PCDH9: variants seen among roughly 807,000 people sequenced by gnomAD.
PCDH9 encodes the protein protocadherin-9.
In PCDH9, 24 loss-of-function variants were observed where a neutral mutation model predicts 70.6. The observed-to-expected ratio is 0.34, with a 90% CI of 0.25 to 0.48. The LOEUF (loss-of-function observed/expected upper bound fraction) is 0.48. PCDH9 is among the 20% of genes least tolerant of loss of function. The pLI, the probability that PCDH9 is intolerant of heterozygous loss-of-function variation, is 0.99. For synonymous variants in PCDH9, 562 were observed against 558.5 expected (o/e 1.01, Z -0.09); for missense variants, 1,281 against 1,503.6 (o/e 0.85, Z 2.45).
intron 4 of PCDH9, among the ~76,000 whole-genome samples, chr13:66,364,603 C>T (rs1296038444): frequency 1.3e-5 from 2 of 152,122 alleles, no homozygotes; most frequent in Non-Finnish European, 2.9e-5. Flanking sequence ...CTACCCACTG[C>T]ATTAAGTTGC....
intron 4 of PCDH9, among the ~76,000 whole-genome samples, chr13:66,475,788 A>T (rs1958714653): frequency 6.6e-6 from 1 of 152,034 alleles, no homozygotes; most frequent in South Asian, 2.1e-4. Context: ...ACTTTTCACT[A>T]AAAAAACTGC....
At chr13:67,222,786 C>A (rs1281920438) in intron 2 of PCDH9, 1 of 151,986 alleles carries the variant, frequency 6.6e-6, no homozygotes, top group African/African-American at 2.4e-5. Flanking sequence ...TATATAAAAG[C>A]CACTAGTTAA....
intron 3 of PCDH9, among the ~76,000 whole-genome samples, chr13:66,784,914 A>G (rs1300228204): frequency 6.6e-6 from 1 of 152,116 alleles, no homozygotes; most frequent in Non-Finnish European, 1.5e-5. Flanking sequence ...ACCTCTAACT[A>G]GTGAGCCTCT....
At chr13:66,551,255 G>A (rs2138680667) in intron 4 of PCDH9, among the ~76,000 whole-genome samples, 1 of 152,200 alleles carries the variant, frequency 6.6e-6, no homozygotes, top group Middle Eastern at 3.4e-3. Flanking sequence ...TCCACCAAAG[G>A]GAAGCTAGAT....
At chr13:66,444,882 A>G (rs947473030) in intron 4 of PCDH9, among the ~76,000 whole-genome samples, 3 of 151,792 alleles carry the variant, frequency 2.0e-5, no homozygotes, top group African/African-American at 7.3e-5. Flanking sequence ...TTTTATGAGA[A>G]CTGGAGCCAA....
intron 2 of PCDH9, among the ~76,000 whole-genome samples, chr13:67,095,301 A>G (rs2086297928): frequency 6.6e-6 from 1 of 152,122 alleles, no homozygotes; most frequent in Non-Finnish European, 1.5e-5. Context: ...TATGTTAACT[A>G]TTACAGTTTG....
chr13:66,550,461 T>G (rs1961435599), intron 4 of PCDH9, among the ~76,000 whole-genome samples: 1 of 152,156 alleles, frequency 6.6e-6, no homozygotes, highest in Non-Finnish European at 1.5e-5. Flanking sequence ...TGATATATTT[T>G]TCAGCCTGCT....
chr13:67,151,718 A>G (rs1051958212), intron 2 of PCDH9, among the ~76,000 whole-genome samples: 1 of 151,932 alleles, frequency 6.6e-6, no homozygotes, highest in Non-Finnish European at 1.5e-5. Context: ...TCAATCTATC[A>G]AAACTGAGGC....
At chr13:66,900,077 T>C (rs1276371345) in intron 3 of PCDH9, among the ~76,000 whole-genome samples, 2 of 151,938 alleles carry the variant, frequency 1.3e-5, no homozygotes, top group African/African-American at 2.4e-5. Flanking sequence ...TTCAGTAATA[T>C]GCATAGGTAA....
At chr13:67,115,727 T>C (rs1416981429) in intron 2 of PCDH9, among the ~76,000 whole-genome samples, 1 of 150,078 alleles carries the variant, frequency 6.7e-6, no homozygotes, top group Non-Finnish European at 1.5e-5. Context: ...AAATTTGTTT[T>C]GGCATTCCTT....
intron 3 of PCDH9, among the ~76,000 whole-genome samples, chr13:66,747,998 T>C (rs1487580688): frequency 6.6e-6 from 1 of 152,132 alleles, no homozygotes; most frequent in African/African-American, 2.4e-5. Flanking sequence ...AACAAAAACA[T>C]TTAAGGAAGT....
At chr13:66,742,440 C>T (rs2079280875) in intron 3 of PCDH9, among the ~76,000 whole-genome samples, 1 of 136,404 alleles carries the variant, frequency 7.3e-6, no homozygotes, top group Non-Finnish European at 1.6e-5. Context: ...TGGGCAAGGA[C>T]TTCATGTCCA....
intron 2 of PCDH9, among the ~76,000 whole-genome samples, chr13:67,085,294 A>T (rs2086084891): frequency 6.6e-6 from 1 of 151,888 alleles, no homozygotes; most frequent in Non-Finnish European, 1.5e-5. Context: ...TAATCTCTAC[A>T]GGAAGCAATA....
rs2089893517 is a variant in PCDH9 at position 67,227,037 on chromosome 13, A to T, written c.1404T>A (p.Ile468=). ...ACAGCTCAATTACAGGCTGGTTGAA[A>T]ATTGGTGGGTTGTCATTTTCATCCT... is the stretch of plus-strand genomic sequence containing the variant. ...KLEDENDNPP[I]FNQPVIELSV... is the part of the protein sequence containing the mutation. The change falls in exon 2 of 5, where the codon ATT becomes ATA. Residue 468 remains isoleucine, a synonymous_variant. Transcript: ENST00000377865. This position sits in a 1 kb window ranked among gnomAD's most constrained non-coding sequence, Gnocchi z 4.6. 1.2e-6 allele frequency: 2 copies of T among 1,614,138 alleles called. No homozygotes were observed. Among genetic ancestry groups the T allele is most frequent in the Non-Finnish European group, 1.7e-6 (2 of 1,180,022 alleles).
intron 3 of PCDH9, among the ~76,000 whole-genome samples, chr13:66,842,525 T>C (rs1027924723): frequency 7.2e-5 from 11 of 152,294 alleles, no homozygotes; most frequent in Admixed American, 6.5e-4. Flanking sequence ...CGATTTGACC[T>C]CTTTTAGCCC....
chr13:66,519,445 C>A (rs538756573), intron 4 of PCDH9, among the ~76,000 whole-genome samples: 51 of 152,126 alleles, frequency 3.4e-4, no homozygotes, highest in Non-Finnish European at 6.5e-4. Flanking sequence ...CAGACGAGCA[C>A]TCTTTATAAT....
chr13:66,542,695 T>TATATATATGTTTAA (rs537814259), intron 4 of PCDH9, among the ~76,000 whole-genome samples: 5 of 16,212 alleles, frequency 3.1e-4, no homozygotes, highest in Non-Finnish European at 1.5e-3. Flanking sequence ...TATGTTTAAA[T>TATATATATGTTTAA]ATATATATAT....
chr13:66,712,019 T>C (rs1405827461), intron 3 of PCDH9, among the ~76,000 whole-genome samples: 4 of 152,288 alleles, frequency 2.6e-5, no homozygotes, highest in Middle Eastern at 3.4e-3. Context: ...ATGGTCCTCC[T>C]TCATGAGTTA....
intron 3 of PCDH9, among the ~76,000 whole-genome samples, chr13:66,681,937 G>A (rs9540866): frequency 6.8e-6 from 1 of 146,416 alleles, no homozygotes; most frequent in Non-Finnish European, 1.5e-5. Context: ...GGGTACATAT[G>A]AGTATATACA....
Sources: gnomAD v4.1 joint callset for allele counts (sites outside exome capture counted in the v4.1 genomes callset) on GRCh38, gnomAD v4.1.1 for gene constraint, Gnocchi (gnomAD v3.1) non-coding constraint, MANE v1.5 for transcripts, NCBI Gene and HGNC (gene_info 2026-07-23, HGNC 2026-07-21) for gene names.